The following ABLIM2 variants were observed in gnomAD, a reference collection of about 807,000 sequenced individuals.
The protein encoded by ABLIM2 is actin-binding LIM protein 2.
ABLIM2 carries 53 observed loss-of-function variants against 97.7 expected under a neutral mutation model. The observed-to-expected ratio is 0.54, with a 90% CI of 0.44 to 0.68. ABLIM2 has a LOEUF of 0.68. Ranked by LOEUF, ABLIM2 falls within the 30% of genes least tolerant of loss-of-function variation. The pLI is 0.00. For missense variants in ABLIM2, 835 were observed against 867.2 expected (o/e 0.96, Z 0.47); for synonymous variants, 361 against 345.8 (o/e 1.04, Z -0.49).
Position 8,120,132 on chromosome 4 carries a change from G to T in ABLIM2, c.11-13495C>A, listed in dbSNP as rs1262184447. ...CTGAGAGGAGCCTCTCCTCTGGGAG[G>T]CAGGAAGAGAAAAACAGCCCAGCGG... On this transcript the variant is annotated intron_variant, in intron 1 of 20. Coordinates refer to ENST00000447017, the MANE Select transcript of ABLIM2 (RefSeq NM_001130083.2). This position sits in a 1 kb window ranked among gnomAD's most constrained non-coding sequence, Gnocchi z 5.6. Among the ~76,000 whole-genome samples the T allele has an allele frequency of 6.6e-6, 1 of 152,150 alleles. No homozygotes were observed. Among genetic ancestry groups the T allele is most frequent in the Non-Finnish European group, 1.5e-5 (1 of 68,008 alleles).
In ABLIM2 at chr4:8,015,085, T is replaced by C. The variant is rs1767972454; in HGVS notation, c.1423+4533A>G. ...ACAGGCGCCGGCCACCACACTTGGCTAATTTTTATATTGTTAGTGGAGACG... is the reference window on the plus strand; with the variant it reads ...ACAGGCGCCGGCCACCACACTTGGCCAATTTTTATATTGTTAGTGGAGACG... On this transcript the variant is annotated intron_variant, in intron 14 of 20. Transcript: ENST00000447017. The surrounding 1 kb of genome is among the most constrained non-coding windows in gnomAD (Gnocchi z 4.6). Among the ~76,000 whole-genome samples, 2 of 152,130 alleles carry C rather than the reference T, an allele frequency of 1.3e-5. No homozygotes were observed. The highest frequency in any genetic ancestry group is 4.8e-5 in the African/African-American group (2 of 41,438).
In ABLIM2 at chr4:8,016,037, T is replaced by C. The variant is rs190667205; in HGVS notation, c.1423+3581A>G. Among the ~76,000 whole-genome samples the C allele has an allele frequency of 2.6e-3, 326 of 124,294 alleles. 2 individuals carry two copies. The highest frequency in any genetic ancestry group is 0.011 in the African/African-American group (302 of 28,324). The allele number at this position is 124,294 out of a possible 152,430, so 81.5% of individuals were successfully genotyped here. On this transcript the variant is annotated intron_variant, in intron 14 of 20. Transcript: ENST00000447017. ...TAATAAGAGGTGATTTCTTTTTTGTTGTTGTATTTTTTTTTTTTTTTTTTT... is the reference window on the plus strand; with the variant it reads ...TAATAAGAGGTGATTTCTTTTTTGTCGTTGTATTTTTTTTTTTTTTTTTTT...
intron 10 of ABLIM2, among the ~76,000 whole-genome samples, chr4:8,034,485 TGCAGGTG>T (rs1782964473): frequency 3.8e-5 from 3 of 79,900 alleles, no homozygotes; most frequent in Admixed American, 1.5e-4. Context: ...GGTAGGTGGG[TGCAGGTG>T]GGTGGGTGGT....
chr4:8,061,160 G>A lies in ABLIM2; in HGVS notation c.676-106C>T, dbSNP rs1246372796. 2 of 950,374 alleles carry A rather than the reference G, an allele frequency of 2.1e-6. No homozygotes were observed. Among genetic ancestry groups the A allele is most frequent in the African/African-American group, 3.3e-5 (2 of 61,184 alleles). 58.9% of individuals were successfully genotyped at this position (950,374 alleles called of 1,614,324 possible). ...CATGCCCTGAGCACAGGTACTCAGG[G>A]GATACTGGAAGGGCCAGCCCCCACC... On this transcript the variant is annotated intron_variant, in intron 6 of 20. Transcript: ENST00000447017. The surrounding 1 kb of genome is among the most constrained non-coding windows in gnomAD (Gnocchi z 4.5).
At chr4:7,969,106 T>G (rs1264780116) in intron 20 of ABLIM2, among the ~76,000 whole-genome samples, 2 of 151,978 alleles carry the variant, frequency 1.3e-5, no homozygotes, top group Non-Finnish European at 2.9e-5. Context: ...CATTCCAGCC[T>G]GGGTGACAGA....
rs533668662 is a variant in ABLIM2, at chr4:8,001,924, G to A, written c.1618+6135C>T. 1.2e-4 allele frequency among the ~76,000 whole-genome samples: 19 copies of A among 152,310 alleles called. No individual in the cohort carries two copies. In the East Asian group the frequency reaches 1.5e-3, roughly 12 times the overall value. ...CCCGCTTGTCAGCACACACATGTGC[G>A]TGCTCTCTCTCTCTTTTTCTTGCTC... On this transcript the variant is annotated intron_variant, in intron 16 of 20. Coordinates refer to ENST00000447017, the MANE Select transcript of ABLIM2 (RefSeq NM_001130083.2). This position sits in a 1 kb window ranked among gnomAD's most constrained non-coding sequence, Gnocchi z 4.2.
chr4:8,041,551 T>G (rs531422716), intron 9 of ABLIM2: 1 of 150,730 alleles, frequency 6.6e-6, no homozygotes, highest in East Asian at 1.9e-4. Flanking sequence ...GCTCACTGCA[T>G]GCACACACAG....
At chr4:8,105,394 C>T (rs562987629) in intron 2 of ABLIM2, among the ~76,000 whole-genome samples, 1 of 152,366 alleles carries the variant, frequency 6.6e-6, no homozygotes, top group East Asian at 1.9e-4. Flanking sequence ...AAGCTTGCGC[C>T]TTCCTGGTCT....
rs780423693 is a variant in ABLIM2, at chr4:7,983,541, G to A, written c.1743+6C>T. The A allele has an allele frequency of 1.2e-5, 20 of 1,612,990 alleles. No individual in the cohort carries two copies. The East Asian group carries it at 3.6e-4, about 29-fold the overall frequency. On this transcript the variant is annotated splice_donor_region_variant and intron_variant, in intron 19 of 20. Coordinates refer to ENST00000447017, the MANE Select transcript of ABLIM2 (RefSeq NM_001130083.2). ...CGGAGGTCAGTGTGGGAGCGGCCCC[G>A]CTTACCTTGTATTCTGTAAGAGAGA...
intron 20 of ABLIM2, among the ~76,000 whole-genome samples, chr4:7,968,542 C>T (rs548358511): frequency 4.0e-4 from 61 of 152,318 alleles, no homozygotes; most frequent in African/African-American, 1.5e-3. Context: ...CATGGATGAG[C>T]CCCAAACACA....
In ABLIM2 at chr4:8,061,051, C is replaced by A; in HGVS notation, c.679G>T (p.Gly227Ter). The change falls in exon 7 of 21, where the codon GGA (glycine) becomes TGA (stop). Residue 227 changes from glycine to a stop codon, truncating the protein, a stop_gained. Coordinates refer to ENST00000447017, the MANE Select transcript of ABLIM2 (RefSeq NM_001130083.2). LOFTEE classifies it high-confidence loss of function. The surrounding 1 kb of genome is among the most constrained non-coding windows in gnomAD (Gnocchi z 4.5). ...KYITGRVLEA[G>*]EKHYHPSCAL... ...CAGGAAGGGTGGTAGTGCTTCTCTC[C>A]GGCCTGTAAGAAAAGCACAAAGCAG... is the stretch of plus-strand genomic sequence containing the variant. The A allele has an allele frequency of 1.3e-6, 2 of 1,586,416 alleles. No homozygotes were observed. Among genetic ancestry groups the A allele is most frequent in the East Asian group, 2.3e-5 (1 of 43,684 alleles).
chr4:8,076,688 C>A (rs1816207056), intron 6 of ABLIM2, among the ~76,000 whole-genome samples: 2 of 150,926 alleles, frequency 1.3e-5, no homozygotes, highest in Admixed American at 6.6e-5. Flanking sequence ...GGACAGTCCA[C>A]CTGCCTGACC....
intron 9 of ABLIM2, among the ~76,000 whole-genome samples, chr4:8,041,961 G>T (rs1353060112): frequency 1.3e-5 from 2 of 152,142 alleles, no homozygotes; most frequent in Admixed American, 6.5e-5. Flanking sequence ...TGCCGTGCAG[G>T]TTCCAACAAC....
Position 8,110,191 on chromosome 4 carries a change from C to T in ABLIM2, c.11-3554G>A, listed in dbSNP as rs148428858. Among the ~76,000 whole-genome samples the T allele has an allele frequency of 1.1e-4, 16 of 152,284 alleles. No homozygotes were observed. In the East Asian group the frequency reaches 2.5e-3, roughly 24 times the overall value. Reference sequence around the variant, plus strand: ...AGTCAGAGCTCACAGGGGTGGGGGCCGTGCATCTTCAAGACGCTTATGTTC... The same window carrying T: ...AGTCAGAGCTCACAGGGGTGGGGGCTGTGCATCTTCAAGACGCTTATGTTC... On this transcript the variant is annotated intron_variant, in intron 1 of 20. Coordinates refer to ENST00000447017, the MANE Select transcript of ABLIM2 (RefSeq NM_001130083.2).
chr4:8,154,814 A>G (rs1714727564), intron 1 of ABLIM2, among the ~76,000 whole-genome samples: 1 of 152,194 alleles, frequency 6.6e-6, no homozygotes, highest in Non-Finnish European at 1.5e-5. Flanking sequence ...AGACATACCC[A>G]GGACTGGGTA....
intron 12 of ABLIM2, chr4:8,020,664 G>T: frequency 3.2e-6 from 1 of 311,586 alleles, no homozygotes; most frequent in Non-Finnish European, 6.0e-6. Flanking sequence ...CCAAAACAAA[G>T]GCCCCTCTTC....
intron 17 of ABLIM2, among the ~76,000 whole-genome samples, chr4:7,988,597 G>A (rs1005789983): frequency 6.6e-6 from 1 of 152,216 alleles, no homozygotes; most frequent in Non-Finnish European, 1.5e-5. Flanking sequence ...ACATTGGAAT[G>A]TGTTACTTTA....
rs551371704 is a variant in ABLIM2, at chr4:8,106,612, G to A, written c.36C>T (p.Ser12=). Residue 12 remains serine, a synonymous_variant, in exon 2 of 21, where the codon AGC becomes AGT. Transcript: ENST00000447017. ...SAVSQPQAAP[S]PLEKSPSTAI... is the part of the protein sequence containing the mutation. ...CCGTGCTGGGCGACTTCTCCAGCGG[G>A]CTGGGAGCAGCCTGGGGCTGCGACA... 3.1e-6 allele frequency: 5 copies of A among 1,611,724 alleles called. No homozygotes were observed. Among genetic ancestry groups the A allele is most frequent in the African/African-American group, 1.3e-5 (1 of 75,058 alleles).
rs1204622935 is a variant in ABLIM2 at position 7,999,862 on chromosome 4, G to A, written c.1619-6935C>T. ...ATAGCCACCTTGCCCTCAGCACCCC[G>A]CCAGGCCTGCTCTTGGGGCCCTGAG... On this transcript the variant is annotated intron_variant, in intron 16 of 20. Transcript: ENST00000447017. This position sits in a 1 kb window ranked among gnomAD's most constrained non-coding sequence, Gnocchi z 4.4. Among the ~76,000 whole-genome samples, 5 of 152,222 alleles carry A rather than the reference G, an allele frequency of 3.3e-5. No individual in the cohort carries two copies. The highest frequency in any genetic ancestry group is 2.1e-4 in the South Asian group (1 of 4,818).
Sources: gnomAD v4.1 joint callset for allele counts (sites outside exome capture counted in the v4.1 genomes callset) on GRCh38, gnomAD v4.1.1 for gene constraint, Gnocchi (gnomAD v3.1) non-coding constraint, MANE v1.5 for transcripts, NCBI Gene and HGNC (gene_info 2026-07-23, HGNC 2026-07-21) for gene names.